The following DNAAF2 variants were observed in gnomAD, a reference collection of about 807,000 sequenced individuals.
DNAAF2 encodes the protein protein kintoun.
Under a neutral mutation model 48.8 loss-of-function variants are expected in DNAAF2, and 58 were observed. The observed-to-expected ratio is 1.19, with a 90% CI of 0.96 to 1.48. The LOEUF is 1.48. DNAAF2 is among the 40% of genes most tolerant of loss of function. The probability of loss-of-function intolerance (pLI) is 0.00; values close to 1 mark genes in which losing one functional copy is unlikely to be tolerated. For missense variants in DNAAF2, 1,241 were observed against 1,116.1 expected, an observed-to-expected ratio of 1.11 and a Z score of -1.59; for synonymous variants, 567 against 481.2, an observed-to-expected ratio of 1.18 and a Z score of -2.33.
At chr14:49,628,619 T>C (rs578035922) in intron 1 of DNAAF2, among the ~76,000 whole-genome samples, 221 of 152,252 alleles carry the variant, frequency 1.5e-3, no homozygotes, top group African/African-American at 5.0e-3. Context: ...CATGCCGGAC[T>C]AATTTTTGTA....
chr14:49,626,988 TAC>T (rs1883026117), intron 2 of DNAAF2, among the ~76,000 whole-genome samples: 1 of 151,818 alleles, frequency 6.6e-6, no homozygotes, highest in East Asian at 1.9e-4. Flanking sequence ...ATATTTTTAG[TAC>T]AGACGGGGTT....
At position 49,633,336 on chromosome 14, in the gene DNAAF2, T is replaced by A; in HGVS notation, c.1814A>T (p.His605Leu). ...ATAATACCACTCTCTCCAATGTCCA[T>A]GGCTCTCTGGAGATTTTGCCAGTTC... Reference protein sequence around the residue: ...VIELAKSPESHGHWREWYYGV... With the variant: ...VIELAKSPESLGHWREWYYGV... Residue 605 changes from histidine (H) to leucine (L), a missense_variant, in exon 1 of 3, where the codon CAT becomes CTT. His to Leu is a moderately conservative substitution (Grantham distance 99). Transcript: ENST00000298292. 1 of 1,614,060 alleles carries A rather than the reference T, an allele frequency of 6.2e-7. No homozygotes were observed. The highest frequency in any genetic ancestry group is 8.5e-7 in the Non-Finnish European group (1 of 1,179,882).
In DNAAF2 at chr14:49,626,184, T is replaced by C. The variant is rs2985697; in HGVS notation, c.2008-136A>G. On this transcript the variant is annotated intron_variant, in intron 2 of 2. Coordinates refer to ENST00000298292, the MANE Select transcript of DNAAF2 (RefSeq NM_018139.3). ...GACCTGCAGGTATACATCCAGGCTT[T>C]CCTGTCAAAATTCATCCTCCAGGCT... 0.71 allele frequency: 450,923 copies of C among 633,026 alleles called. 168,049 individuals are homozygous for C. Among genetic ancestry groups the C allele is most frequent in the Non-Finnish European group, 0.76 (334,921 of 437,952 alleles). The allele number at this position is 633,026 out of a possible 1,614,324, so 39.2% of individuals were successfully genotyped here. A position where few individuals can be genotyped will look rare whatever the true frequency, so the allele number is the denominator to read the frequency against.
rs1883228331 is a variant in DNAAF2, at chr14:49,633,639, T to C, written c.1511A>G (p.Gln504Arg). The C allele has an allele frequency of 1.2e-6, 2 of 1,612,852 alleles. No homozygotes were observed. Among genetic ancestry groups the C allele is most frequent in the African/African-American group, 1.3e-5 (1 of 74,908 alleles). The change falls in exon 1 of 3, where the codon CAG (glutamine) becomes CGG (arginine). Residue 504 changes from glutamine to arginine, a missense_variant. By Grantham distance (43) the Gln-to-Arg change is conservative (BLOSUM62 1). Coordinates refer to ENST00000298292, the MANE Select transcript of DNAAF2 (RefSeq NM_018139.3). ...TREESEGTGG[Q>R]RSACAMGGPG... ...ACCACCCATGGCGCAGGCTGAGCGC[T>C]GGCCGCCCGTGCCCTCCGACTCCTC...
chr14:49,630,987 G>A (rs563054642), intron 1 of DNAAF2, among the ~76,000 whole-genome samples: 77 of 152,194 alleles, frequency 5.1e-4, no homozygotes, highest in Non-Finnish European at 8.5e-4. Context: ...CTGACCTCGT[G>A]ATCTGCCTGC....
Position 49,633,987 on chromosome 14 carries a change from G to A in DNAAF2, c.1163C>T (p.Ala388Val), listed in dbSNP as rs1196098698. ...CTCCGCGCGACTCCTCGCGGGTCCC[G>A]CCTCCCCCTCGCGAGCGGAAGCGCA... ...QACASAREGE[A>V]GPARSRAEDG... The change falls in exon 1 of 3, where the codon GCG (alanine) becomes GTG (valine). Residue 388 changes from alanine (A) to valine (V), a missense_variant. Physicochemically the swap from Ala to Val is moderately conservative, Grantham distance 64. Transcript: ENST00000298292. The A allele has an allele frequency of 5.2e-6, 8 of 1,524,166 alleles. No individual in the cohort carries two copies. Among genetic ancestry groups the A allele is most frequent in the Middle Eastern group, 2.2e-4 (1 of 4,564 alleles). 94.4% of individuals were successfully genotyped at this position (1,524,166 alleles called of 1,614,324 possible). A position where few individuals can be genotyped will look rare whatever the true frequency, so the allele number is the denominator to read the frequency against.
Position 49,631,658 on chromosome 14 carries a change from C to T in DNAAF2, c.1863+1629G>A, listed in dbSNP as rs1883169438. Among the ~76,000 whole-genome samples the T allele has an allele frequency of 2.0e-5, 3 of 152,114 alleles. No homozygotes were observed. In the South Asian group the frequency reaches 6.2e-4, roughly 32 times the overall value. ...CAGAAGATTTGCATAAACTTGCCTT[C>T]TCAGTCTAATGACTGATTAAATGAC... On this transcript the variant is annotated intron_variant, in intron 1 of 2. Coordinates refer to ENST00000298292, the MANE Select transcript of DNAAF2 (RefSeq NM_018139.3).
Position 49,625,456 on chromosome 14 carries a change from T to C in DNAAF2, c.*86A>G, listed in dbSNP as rs1280312592. ...TTTTAATTTTATACTTTAATACCTT[T>C]AGTTTTAAGACAACAGTTAACAGAA... On this transcript the variant is annotated 3_prime_UTR_variant, in exon 3 of 3. Transcript: ENST00000298292. 9.7e-7 allele frequency: 1 copy of C among 1,034,126 alleles called. No individual in the cohort carries two copies. Among genetic ancestry groups the C allele is most frequent in the Non-Finnish European group, 1.3e-6 (1 of 783,154 alleles). 64.1% of individuals were successfully genotyped at this position (1,034,126 alleles called of 1,614,324 possible). A position where few individuals can be genotyped will look rare whatever the true frequency, so the allele number is the denominator to read the frequency against.
Position 49,625,589 on chromosome 14 carries a change from TG to T in DNAAF2, c.2466del (p.Asn823IlefsTer19). 1.9e-6 allele frequency: 3 copies of T among 1,609,024 alleles called. No individual in the cohort carries two copies. The highest frequency in any genetic ancestry group is 2.5e-6 in the Non-Finnish European group (3 of 1,178,260). On this transcript the variant is annotated frameshift_variant, in exon 3 of 3. Coordinates refer to ENST00000298292, the MANE Select transcript of DNAAF2 (RefSeq NM_018139.3). LOFTEE classifies it high-confidence loss of function. ...GAATTCTGAAAACTGAATGCACAATTGGTCACATGATCTTTAATGACCTGCA... is the reference window on the plus strand; with the variant it reads ...GAATTCTGAAAACTGAATGCACAATTGTCACATGATCTTTAATGACCTGCA... ...GSVQVIKDHV[T>X]NCAFSFQNSL...
In DNAAF2 at chr14:49,633,949, C is replaced by G. The variant is rs1309376977; in HGVS notation, c.1201G>C (p.Asp401His). 6.5e-7 allele frequency: 1 copy of G among 1,530,318 alleles called. No homozygotes were observed. The highest frequency in any genetic ancestry group is 1.4e-5 in the African/African-American group (1 of 72,800). The allele number at this position is 1,530,318 out of a possible 1,614,324, so 94.8% of individuals were successfully genotyped here. A position where few individuals can be genotyped will look rare whatever the true frequency, so the allele number is the denominator to read the frequency against. Residue 401 changes from aspartate to histidine, a missense_variant, in exon 1 of 3, where the codon GAT (aspartate) becomes CAT (histidine). Asp to His is a moderately conservative substitution (Grantham distance 81). Transcript: ENST00000298292. Reference sequence around the variant, plus strand: ...CCCGCAGCCCCAGCCACGCAGGTATCGTGGCCTCCGTCCTCCGCGCGACTC... The same window carrying G: ...CCCGCAGCCCCAGCCACGCAGGTATGGTGGCCTCCGTCCTCCGCGCGACTC... ...ARSRAEDGGH[D>H]TCVAGAAGSG...
chr14:49,633,211 C>G (rs1302716695), intron 1 of DNAAF2, 76 bp downstream of exon 1: 1 of 1,547,846 alleles, frequency 6.5e-7, no homozygotes, highest in African/African-American at 1.4e-5. Context: ...TGAGCCACCG[C>G]GCCCGGCCGG....
Position 49,634,390 on chromosome 14 carries a change from G to C in DNAAF2, c.760C>G (p.Arg254Gly). The change falls in exon 1 of 3, where the codon CGC becomes GGC. Residue 254 changes from arginine to glycine, a missense_variant. Physicochemically the swap from Arg to Gly is moderately radical, Grantham distance 125. Transcript: ENST00000298292. ...AALQPAPTEP[R>G]YSVVQRHHVD... ...TGGTGGCGCTGCACCACGCTGTAGC[G>C]AGGCTCGGTGGGGGCGGGCTGCAAG... 1 of 1,592,714 alleles carries C rather than the reference G, an allele frequency of 6.3e-7. No homozygotes were observed. The highest frequency in any genetic ancestry group is 8.6e-7 in the Non-Finnish European group (1 of 1,169,266).
rs1306065203 is a variant in DNAAF2, at chr14:49,635,218, C to T, written c.-69G>A. 1 of 1,494,540 alleles carries T rather than the reference C, an allele frequency of 6.7e-7. No homozygotes were observed. The highest frequency in any genetic ancestry group is 9.1e-7 in the Non-Finnish European group (1 of 1,099,484). The allele number at this position is 1,494,540 out of a possible 1,614,324, so 92.6% of individuals were successfully genotyped here. ...TGACACTGGGTTGGGGGATCCGCCT[C>T]AGAGTTTCTGGGCAGCGTACAGTGA... On this transcript the variant is annotated 5_prime_UTR_variant, in exon 1 of 3. Transcript: ENST00000298292.
intron 1 of DNAAF2, among the ~76,000 whole-genome samples, chr14:49,629,039 T>C (rs1253910425): frequency 6.6e-6 from 1 of 152,158 alleles, no homozygotes; most frequent in Admixed American, 6.6e-5. Context: ...CACGGCTCGC[T>C]GCAGCCTTGA....
At chr14:49,626,799 CTTTTTTTTTT>C (rs34085502) in intron 2 of DNAAF2, among the ~76,000 whole-genome samples, 1 of 63,384 alleles carries the variant, frequency 1.6e-5, no homozygotes, top group South Asian at 7.3e-4. Flanking sequence ...TGCTGCCAGT[CTTTTTTTTTT>C]TTTTTTTTTT....
chr14:49,626,061 A>G lies in DNAAF2; in HGVS notation c.2008-13T>C. ...TACATTCTTGCAACTGTGTCAAGAG[A>G]AACAACAAATTAATAATTATTTTAA... On this transcript the variant is annotated splice_polypyrimidine_tract_variant and intron_variant, in intron 2 of 2. Transcript: ENST00000298292. 1 of 1,410,348 alleles carries G rather than the reference A, an allele frequency of 7.1e-7. No homozygotes were observed. The highest frequency in any genetic ancestry group is 9.2e-7 in the Non-Finnish European group (1 of 1,085,002). The allele number at this position is 1,410,348 out of a possible 1,614,324, so 87.4% of individuals were successfully genotyped here. A position where few individuals can be genotyped will look rare whatever the true frequency, so the allele number is the denominator to read the frequency against.
chr14:49,630,431 T>C (rs1455814828), intron 1 of DNAAF2, among the ~76,000 whole-genome samples: 1 of 152,072 alleles, frequency 6.6e-6, no homozygotes, highest in African/African-American at 2.4e-5. Flanking sequence ...TATTTTAAAT[T>C]AATTTATAAA....
intron 1 of DNAAF2, among the ~76,000 whole-genome samples, chr14:49,633,001 A>C (rs1883203162): frequency 2.6e-5 from 4 of 151,828 alleles, no homozygotes; most frequent in Admixed American, 1.3e-4. Context: ...GGCTCACTGC[A>C]AGCTTCGCCT....
intron 1 of DNAAF2, among the ~76,000 whole-genome samples, chr14:49,632,163 C>A (rs1171390903): frequency 6.6e-6 from 1 of 152,184 alleles, no homozygotes; most frequent in East Asian, 1.9e-4. Flanking sequence ...GGGTTATTTT[C>A]ATATTTACTA....
Sources: allele counts gnomAD v4.1 joint callset (sites outside exome capture counted in the v4.1 genomes callset), GRCh38; gene constraint gnomAD v4.1.1; transcripts MANE v1.5; gene names NCBI Gene and HGNC (gene_info 2026-07-23, HGNC 2026-07-21).